DST: variants seen among roughly 807,000 people sequenced by gnomAD.
DST encodes the protein bullous pemphigoid antigen.
Under a neutral mutation model 875.2 loss-of-function variants are expected in DST, and 253 were observed. The ratio of observed to expected loss-of-function variants is 0.29; its 90% CI spans 0.26 to 0.32. DST has a LOEUF of 0.32. Ranked by LOEUF, DST falls within the 10% of genes least tolerant of loss-of-function variation. DST has a pLI of 1.00. For synonymous variants in DST, 3,124 were observed against 3,197.1 expected, an observed-to-expected ratio of 0.98 and a Z score of 0.77; for missense variants, 8,287 against 9,111.6, an observed-to-expected ratio of 0.91 and a Z score of 3.68.
At chr6:56,459,431 T>G (rs191534310) in intron 103 of DST, among the ~76,000 whole-genome samples, 164 bp from the exon 104 acceptor site, 5 of 152,294 alleles carry the variant, frequency 3.3e-5, no homozygotes, top group Non-Finnish European at 5.9e-5. Flanking sequence ...CACAAGGGTA[T>G]GCAGGCTTAC....
intron 2 of DST, among the ~76,000 whole-genome samples, chr6:56,936,446 A>C (rs1592693600): frequency 6.6e-6 from 1 of 152,292 alleles, no homozygotes; most frequent in South Asian, 2.1e-4. Flanking sequence ...GCAGCCTGAA[A>C]CCCAGAAATG....
chr6:56,624,428 T>C lies in DST; in HGVS notation c.4929+102A>G, dbSNP rs570153895. 101 of 792,684 alleles carry C rather than the reference T, an allele frequency of 1.3e-4. 1 individual carries two copies. The East Asian group carries it at 2.1e-3, about 17-fold the overall frequency. The allele number at this position is 792,684 out of a possible 1,614,324, so 49.1% of individuals were successfully genotyped here. A position where few individuals can be genotyped will look rare whatever the true frequency, so the allele number is the denominator to read the frequency against. ...ATTTGTACATCTGCTACCGGCCACA[T>C]AAATTTATCATGAAACATGTTTTGC... On this transcript the variant is annotated intron_variant, in intron 36 of 103. Transcript: ENST00000680361.
At chr6:56,624,768 G>A (rs1007003117) in intron 35 of DST, 140 bp from the exon 36 acceptor site, 2 of 683,206 alleles carry the variant, frequency 2.9e-6, no homozygotes, top group African/African-American at 3.6e-5. Flanking sequence ...TGATAAGAAT[G>A]AGCTTATTAT....
intron 9 of DST, among the ~76,000 whole-genome samples, chr6:56,675,913 T>C (rs1040899182): frequency 2.0e-5 from 3 of 152,220 alleles, no homozygotes; most frequent in East Asian, 3.9e-4. Context: ...ATAATAGACA[T>C]TTCTCAAAAC....
At chr6:56,747,966 C>T (rs1271469182) in intron 4 of DST, among the ~76,000 whole-genome samples, 1 of 152,054 alleles carries the variant, frequency 6.6e-6, no homozygotes, top group Admixed American at 6.6e-5. Flanking sequence ...GCAGGACCTC[C>T]AGTAACTCAG....
At chr6:56,684,250 T>C (rs1459842798) in intron 9 of DST, among the ~76,000 whole-genome samples, 2 of 152,212 alleles carry the variant, frequency 1.3e-5, no homozygotes, top group African/African-American at 4.8e-5. Flanking sequence ...GCTTATTCAC[T>C]TTTTTAAAAA....
intron 49 of DST, among the ~76,000 whole-genome samples, chr6:56,579,339 C>T (rs2097922184): frequency 6.6e-6 from 1 of 152,144 alleles, no homozygotes; most frequent in African/African-American, 2.4e-5. Flanking sequence ...GATAAATAAG[C>T]TCGCCCAAAT....
At position 56,517,313 on chromosome 6, in the gene DST, T is replaced by A; in HGVS notation, c.18250-8A>T. ...AATCTCCATGGTGAATGTCTGTGATTTACCAAAATAAAGACAAAAAATAAA... is the reference window on the plus strand; with the variant it reads ...AATCTCCATGGTGAATGTCTGTGATATACCAAAATAAAGACAAAAAATAAA... On this transcript the variant is annotated splice_region_variant and splice_polypyrimidine_tract_variant and intron_variant, in intron 70 of 103. Coordinates refer to ENST00000680361, the MANE Select transcript of DST (RefSeq NM_001374736.1). 1 of 1,607,940 alleles carries A rather than the reference T, an allele frequency of 6.2e-7. No individual in the cohort carries two copies. The highest frequency in any genetic ancestry group is 1.7e-5 in the Admixed American group (1 of 59,816).
chr6:56,479,547 G>A lies in DST; in HGVS notation c.21532-2059C>T, dbSNP rs1157935391. 4.0e-5 allele frequency among the ~76,000 whole-genome samples: 6 copies of A among 151,888 alleles called. 1 individual carries two copies. The highest frequency in any genetic ancestry group is 1.4e-4 in the African/African-American group (6 of 41,432). ...TATAAGTGTCCATCAACAGTTGATT[G>A]GATTAAAAAAAAATGTGGTACATAT... On this transcript the variant is annotated intron_variant, in intron 90 of 103. Transcript: ENST00000680361.
intron 38 of DST, among the ~76,000 whole-genome samples, 186 bp from the exon 39 acceptor site, chr6:56,610,748 C>T (rs1212323531): frequency 6.6e-6 from 1 of 152,116 alleles, no homozygotes; most frequent in African/African-American, 2.4e-5. Context: ...GGATCTTTCC[C>T]TTGCCTGAGA....
At position 56,604,667 on chromosome 6, in the gene DST, C is replaced by G; in HGVS notation, c.9961G>C (p.Glu3321Gln). 9 of 1,612,058 alleles carry G rather than the reference C, an allele frequency of 5.6e-6. No individual in the cohort carries two copies. The highest frequency in any genetic ancestry group is 6.8e-6 in the Non-Finnish European group (8 of 1,178,828). Residue 3321 changes from glutamate (E) to glutamine (Q), a missense_variant, in exon 40 of 104, where the codon GAA (glutamate) becomes CAA (glutamine). Transcript: ENST00000680361. Reference sequence around the variant, plus strand: ...TTTGGTAGCTGTTGCTCAATTCTTTCTTTCTTATTATTAATTTCTAAGAAT... The same window carrying G: ...TTTGGTAGCTGTTGCTCAATTCTTTGTTTCTTATTATTAATTTCTAAGAAT... ...YSFLEINNKK[E>Q]RIEQQLPKEQ...
At position 56,463,648 on chromosome 6, in the gene DST, C is replaced by T. The variant is rs771999169; in HGVS notation, c.22876G>A (p.Ala7626Thr). 8 of 1,613,728 alleles carry T rather than the reference C, an allele frequency of 5.0e-6. No individual in the cohort carries two copies. Among genetic ancestry groups the T allele is most frequent in the Admixed American group, 1.7e-5 (1 of 59,990 alleles). The change falls in exon 101 of 104, where the codon GCT (alanine) becomes ACT (threonine). Residue 7626 changes from alanine (A) to threonine (T), a missense_variant. Around this residue, in one of 10 missense-constraint regions of DST, gnomAD observed 64 missense variants for 86.2 expected, o/e 0.74. Transcript: ENST00000680361. ...ACAGAAGTGGATCTGTTGGGTGAAG[C>T]GCCTCGTGATGATGGCCGGGATCTT... ...GRRSRPSSRG[A>T]SPNRSTSVSS...
chr6:56,834,697 C>T (rs1341261391), intron 4 of DST, among the ~76,000 whole-genome samples: 2 of 152,094 alleles, frequency 1.3e-5, no homozygotes, highest in Non-Finnish European at 2.9e-5. Flanking sequence ...AAATACAAAA[C>T]AGTGACAATA....
chr6:56,795,936 C>T (rs1000161257), intron 4 of DST, among the ~76,000 whole-genome samples: 1 of 152,172 alleles, frequency 6.6e-6, no homozygotes, highest in Non-Finnish European at 1.5e-5. Context: ...TTCCATGCAT[C>T]TTTCCTCATG....
chr6:56,720,293 CAGT>C lies in DST; in HGVS notation c.687+14932_687+14934del, dbSNP rs560164912. ...GGCTCTGTTCCACCTGGCTCAACAG[CAGT>C]CAGAGTTTAAGGTTATCTCTCTTAT... On this transcript the variant is annotated intron_variant, in intron 5 of 103. Transcript: ENST00000680361. Among the ~76,000 whole-genome samples, 89 of 151,504 alleles carry C rather than the reference CAGT, an allele frequency of 5.9e-4. 2 individuals are homozygous for C. In the East Asian group the frequency reaches 0.014, roughly 24 times the overall value.
intron 60 of DST, among the ~76,000 whole-genome samples, chr6:56,555,022 G>GT (rs1391551067): frequency 6.6e-6 from 1 of 152,124 alleles, no homozygotes; most frequent in African/African-American, 2.4e-5. Context: ...AACTATTCAT[G>GT]TTTTTTTCTG....
chr6:56,670,964 G>GT (rs1204856891), intron 9 of DST, among the ~76,000 whole-genome samples, 157 bp from the exon 10 acceptor site: 1 of 152,198 alleles, frequency 6.6e-6, no homozygotes, highest in African/African-American at 2.4e-5. Context: ...GATAACATGT[G>GT]TACAGCACTT....
In DST at chr6:56,597,081, A is replaced by T. The variant is rs2098398085; in HGVS notation, c.12195+659T>A. ...ATAGAGAGACCTCATCACTACAAAA[A>T]ATACAAAAATTAGCCAGGCATGGCA... On this transcript the variant is annotated intron_variant, in intron 47 of 103. Coordinates refer to ENST00000680361, the MANE Select transcript of DST (RefSeq NM_001374736.1). Among the ~76,000 whole-genome samples, 2 of 152,066 alleles carry T rather than the reference A, an allele frequency of 1.3e-5. 1 individual carries two copies. Among genetic ancestry groups the T allele is most frequent in the South Asian group, 4.1e-4 (2 of 4,824 alleles).
Position 56,506,437 on chromosome 6 carries a change from C to G in DST, c.19464+6G>C. ...AAGACCAGCACATACACTGTAATCCCCTTACCTGCAGTCCATCCTGGTACT... is the reference window on the plus strand; with the variant it reads ...AAGACCAGCACATACACTGTAATCCGCTTACCTGCAGTCCATCCTGGTACT... On this transcript the variant is annotated splice_donor_region_variant and intron_variant, in intron 77 of 103. Coordinates refer to ENST00000680361, the MANE Select transcript of DST (RefSeq NM_001374736.1). 6.2e-7 allele frequency: 1 copy of G among 1,608,464 alleles called. No homozygotes were observed. Among genetic ancestry groups the G allele is most frequent in the Admixed American group, 1.7e-5 (1 of 59,578 alleles).
Sources: allele counts gnomAD v4.1 joint callset (sites outside exome capture counted in the v4.1 genomes callset), GRCh38; gene constraint gnomAD v4.1.1; regional missense constraint gnomAD v4.1.1; transcripts MANE v1.5; gene names NCBI Gene and HGNC (gene_info 2026-07-23, HGNC 2026-07-21).